The following GABRG2 variants were observed in gnomAD, a reference collection of about 807,000 sequenced individuals.
The protein encoded by GABRG2 is gamma-aminobutyric acid receptor subunit gamma-2.
In GABRG2, 16 loss-of-function variants were observed where a neutral mutation model predicts 56.4. The observed-to-expected ratio is 0.28, with a 90% CI of 0.19 to 0.43. The LOEUF (loss-of-function observed/expected upper bound fraction) is 0.43, where lower values mean the gene tolerates loss of function less well. Ranked by LOEUF, GABRG2 falls within the 20% of genes least tolerant of loss-of-function variation. The pLI, the probability that GABRG2 is intolerant of heterozygous loss-of-function variation, is 1.00. For synonymous variants in GABRG2, 208 were observed against 205.5 expected (o/e 1.01, Z -0.10); for missense variants, 327 against 582.7 (o/e 0.56, Z 4.52).
chr5:162,088,049 C>G (rs550745263), intron 1 of GABRG2, among the ~76,000 whole-genome samples: 1 of 152,076 alleles, frequency 6.6e-6, no homozygotes, highest in African/African-American at 2.4e-5. Context: ...TGTGCACACT[C>G]ATGCATAGAG....
chr5:162,101,347 C>T (rs751670193), intron 5 of GABRG2, 30 bp downstream of exon 5: 27 of 1,355,268 alleles, frequency 2.0e-5, no homozygotes, highest in Middle Eastern at 1.8e-4. Flanking sequence ...CATTTGTATC[C>T]TCCCTCACCT....
intron 1 of GABRG2, among the ~76,000 whole-genome samples, chr5:162,084,851 G>A (rs914363183): frequency 3.3e-5 from 5 of 151,866 alleles, no homozygotes; most frequent in Middle Eastern, 3.2e-3. Context: ...TGCAGTCAAT[G>A]TGTGTTTCTG....
At chr5:162,130,207 G>GGCA (rs2113532035) in intron 6 of GABRG2, among the ~76,000 whole-genome samples, 1 of 151,916 alleles carries the variant, frequency 6.6e-6, no homozygotes, top group South Asian at 2.1e-4. Flanking sequence ...ATTCCATGGG[G>GGCA]GCAGGGGTGT....
chr5:162,076,851 C>T (rs924671820), intron 1 of GABRG2, among the ~76,000 whole-genome samples: 1 of 152,112 alleles, frequency 6.6e-6, no homozygotes, highest in East Asian at 1.9e-4. Flanking sequence ...GATCATATAA[C>T]AAAATTCAAC....
intron 6 of GABRG2, among the ~76,000 whole-genome samples, chr5:162,136,282 G>A (rs1764118255): frequency 6.6e-6 from 1 of 152,152 alleles, no homozygotes; most frequent in Non-Finnish European, 1.5e-5. Context: ...CCAATTGAAT[G>A]TTCCATGATG....
At chr5:162,147,905 C>T (rs1317087709) in intron 7 of GABRG2, among the ~76,000 whole-genome samples, 2 of 152,144 alleles carry the variant, frequency 1.3e-5, no homozygotes, top group South Asian at 2.1e-4. Flanking sequence ...AAACTAGAAT[C>T]GTAGAATGGT....
Position 162,137,462 on chromosome 5 carries a change from T to C in GABRG2, c.770-4702T>C, listed in dbSNP as rs115335115. 8.5e-3 allele frequency among the ~76,000 whole-genome samples: 1,296 copies of C among 152,338 alleles called. 27 individuals are homozygous for C. Among genetic ancestry groups the C allele is most frequent in the African/African-American group, 0.03 (1,236 of 41,576 alleles). On this transcript the variant is annotated intron_variant, in intron 6 of 9. Transcript: ENST00000639213. ...CTGACAGGCTAAAAATGAAATACTA[T>C]TATTTGACTTTGAATTTCACTGATC... is the stretch of plus-strand genomic sequence containing the variant.
Position 162,121,611 on chromosome 5 carries a change from A to G in GABRG2, c.769+17585A>G, listed in dbSNP as rs564988008. Among the ~76,000 whole-genome samples, 3 of 152,186 alleles carry G rather than the reference A, an allele frequency of 2.0e-5. No homozygotes were observed. The South Asian group carries it at 6.2e-4, about 32-fold the overall frequency. On this transcript the variant is annotated intron_variant, in intron 6 of 9. Coordinates refer to ENST00000639213, the MANE Select transcript of GABRG2 (RefSeq NM_198904.4). ...AGTACAAGCTCTTTTTGTATTTGAT[A>G]AGAAGGTTTCTCCTTTATAAGACTG...
intron 7 of GABRG2, among the ~76,000 whole-genome samples, chr5:162,146,447 A>C (rs1764954701): frequency 6.6e-6 from 1 of 152,164 alleles, no homozygotes; most frequent in African/African-American, 2.4e-5. Flanking sequence ...TGCTTGGCAC[A>C]GTATCTGGTC....
intron 7 of GABRG2, 73 bp from the exon 8 acceptor site, chr5:162,149,035 A>T: frequency 7.6e-7 from 1 of 1,310,698 alleles, no homozygotes; most frequent in Non-Finnish European, 1.1e-6. Flanking sequence ...GAAACAATGT[A>T]GTCTCACGAG....
At chr5:162,136,412 T>A (rs930373659) in intron 6 of GABRG2, among the ~76,000 whole-genome samples, 8 of 152,104 alleles carry the variant, frequency 5.3e-5, no homozygotes, top group African/African-American at 1.7e-4. Flanking sequence ...TTAAAGTATG[T>A]TTAATATGGC....
At chr5:162,121,914 T>G (rs1404806014) in intron 6 of GABRG2, among the ~76,000 whole-genome samples, 4 of 152,028 alleles carry the variant, frequency 2.6e-5, no homozygotes, top group African/African-American at 9.7e-5. Flanking sequence ...AATTTCTATA[T>G]CTATAAAATG....
chr5:162,120,079 G>T (rs1204939329), intron 6 of GABRG2, among the ~76,000 whole-genome samples: 1 of 151,946 alleles, frequency 6.6e-6, no homozygotes, highest in East Asian at 1.9e-4. Flanking sequence ...AAATAACTGG[G>T]GTTTACTTGA....
At chr5:162,098,716 T>TTAGAAGC (rs1443191850) in intron 4 of GABRG2, 1 of 152,152 alleles carries the variant, frequency 6.6e-6, no homozygotes. Context: ...ACTTTTAGTG[T>TTAGAAGC]TAGAAGCTTT....
chr5:162,142,256 G>A lies in GABRG2; in HGVS notation c.862G>A (p.Val288Ile), dbSNP rs768565280. ...CTATATCCCCTGCACACTCATTGTC[G>A]TCCTATCCTGGGTGTCTTTCTGGAT... ...QTYIPCTLIV[V>I]LSWVSFWINK... Residue 288 changes from valine (V) to isoleucine (I), a missense_variant, in exon 7 of 10, where the codon GTC (valine) becomes ATC (isoleucine). Val to Ile is a conservative substitution (Grantham distance 29). This residue lies in a region of GABRG2 where 42 missense variants were observed against 156.9 expected (regional missense o/e 0.27). Coordinates refer to ENST00000639213, the MANE Select transcript of GABRG2 (RefSeq NM_198904.4). 4.3e-6 allele frequency: 7 copies of A among 1,614,024 alleles called. No individual in the cohort carries two copies. Among genetic ancestry groups the A allele is most frequent in the Non-Finnish European group, 5.1e-6 (6 of 1,179,962 alleles).
In GABRG2 at chr5:162,069,840, C is replaced by T. The variant is rs147328689; in HGVS notation, c.107+1734C>T. 6.1e-3 allele frequency among the ~76,000 whole-genome samples: 921 copies of T among 152,052 alleles called. 9 individuals carry two copies. Among genetic ancestry groups the T allele is most frequent in the African/African-American group, 0.021 (863 of 41,476 alleles). ...GTTGTGGATAGCTATTAATTTGTTT[C>T]GGAAATTAGAAAACAGTTACTTACT... is the stretch of plus-strand genomic sequence containing the variant. On this transcript the variant is annotated intron_variant, in intron 1 of 9. Transcript: ENST00000639213.
At chr5:162,131,768 C>G (rs1763773534) in intron 6 of GABRG2, among the ~76,000 whole-genome samples, 1 of 151,938 alleles carries the variant, frequency 6.6e-6, no homozygotes, top group African/African-American at 2.4e-5. Flanking sequence ...CAAATGTCCC[C>G]CAGTGTTCGT....
At chr5:162,097,239 G>T (rs1761063677) in intron 3 of GABRG2, among the ~76,000 whole-genome samples, 1 of 152,142 alleles carries the variant, frequency 6.6e-6, no homozygotes, top group African/African-American at 2.4e-5. Flanking sequence ...TTGAGTATGG[G>T]TTTGGGGTTT....
chr5:162,083,990 A>C (rs1279104365), intron 1 of GABRG2, among the ~76,000 whole-genome samples: 1 of 151,888 alleles, frequency 6.6e-6, no homozygotes, highest in African/African-American at 2.4e-5. Context: ...TTTTCATATT[A>C]GAAGACAACT....
Sources: allele counts gnomAD v4.1 joint callset (sites outside exome capture counted in the v4.1 genomes callset), GRCh38; gene constraint gnomAD v4.1.1; regional missense constraint gnomAD v4.1.1; transcripts MANE v1.5; gene names NCBI Gene and HGNC (gene_info 2026-07-23, HGNC 2026-07-21).